Variants in GABRB1 observed in about 807,000 individuals in gnomAD.
The protein encoded by GABRB1 is gamma-aminobutyric acid receptor subunit beta-1.
A neutral mutation model predicts 51.6 loss-of-function variants in GABRB1; 17 were observed. The ratio of observed to expected loss-of-function variants is 0.33; its 90% CI spans 0.23 to 0.49. The LOEUF (loss-of-function observed/expected upper bound fraction) is 0.49, where lower values mean the gene tolerates loss of function less well. GABRB1 is among the 20% of genes least tolerant of loss of function. The probability of loss-of-function intolerance (pLI) is 0.99; values close to 1 mark genes in which losing one functional copy is unlikely to be tolerated. For missense variants in GABRB1, 410 were observed against 600.6 expected, an observed-to-expected ratio of 0.68 and a Z score of 3.32; for synonymous variants, 247 against 218.9, an observed-to-expected ratio of 1.13 and a Z score of -1.14.
chr4:47,019,912 GTA>G (rs1724878102), intron 1 of GABRB1, among the ~76,000 whole-genome samples: 1 of 148,162 alleles, frequency 6.7e-6, no homozygotes, highest in Non-Finnish European at 1.5e-5. Context: ...ATATGTATAT[GTA>G]TATGTATACG....
rs377150439 is a variant in GABRB1 at position 47,173,011 on chromosome 4, G to T, written c.461+11542G>T. 6.3e-4 allele frequency among the ~76,000 whole-genome samples: 96 copies of T among 152,276 alleles called. 1 individual carries two copies. The highest frequency in any genetic ancestry group is 2.3e-3 in the African/African-American group (95 of 41,574). On this transcript the variant is annotated intron_variant, in intron 4 of 8. Transcript: ENST00000295454. ...AACAAAACCACAAAGAACTGGAGCT[G>T]AGAGAGCTGCCTGGTCCATTTTCTT...
intron 5 of GABRB1, among the ~76,000 whole-genome samples, chr4:47,355,011 A>C: frequency 8.9e-5 from 4 of 45,182 alleles, no homozygotes; most frequent in African/African-American, 9.1e-5. Flanking sequence ...TTTTTGACAG[A>C]ATCTCTCTCT....
chr4:47,385,887 A>G (rs1416946657), intron 5 of GABRB1, among the ~76,000 whole-genome samples: 1 of 152,086 alleles, frequency 6.6e-6, no homozygotes, highest in African/African-American at 2.4e-5. Context: ...ACTTACTACT[A>G]CTGGTTTATA....
intron 4 of GABRB1, among the ~76,000 whole-genome samples, chr4:47,249,290 A>T (rs1320846244): frequency 6.6e-6 from 1 of 152,088 alleles, no homozygotes; most frequent in East Asian, 1.9e-4. Context: ...GAAGCAGGTT[A>T]TTTAATTTCC....
At chr4:47,273,996 T>C (rs1021714235) in intron 4 of GABRB1, among the ~76,000 whole-genome samples, 3 of 152,124 alleles carry the variant, frequency 2.0e-5, no homozygotes, top group Non-Finnish European at 4.4e-5. Context: ...TGTATACATT[T>C]ACACTCATGC....
In GABRB1 at chr4:47,073,836, A is replaced by G. The variant is rs1727441257; in HGVS notation, c.240+41352A>G. On this transcript the variant is annotated intron_variant, in intron 3 of 8. Coordinates refer to ENST00000295454, the MANE Select transcript of GABRB1 (RefSeq NM_000812.4). ...ACCTCTTTTCATTACTTGAAAAGACATGACATAAGCAGGCTATTTATCTGA... is the reference window on the plus strand; with the variant it reads ...ACCTCTTTTCATTACTTGAAAAGACGTGACATAAGCAGGCTATTTATCTGA... 2.0e-5 allele frequency among the ~76,000 whole-genome samples: 3 copies of G among 152,292 alleles called. No homozygotes were observed. The South Asian group carries it at 6.2e-4, about 32-fold the overall frequency.
At chr4:47,293,297 A>ATTT (rs1370634157) in intron 4 of GABRB1, among the ~76,000 whole-genome samples, 86 of 152,146 alleles carry the variant, frequency 5.7e-4, no homozygotes, top group African/African-American at 2.0e-3. Context: ...ATGTGCCATA[A>ATTT]TGCTTGGCTA....
chr4:47,076,318 T>A lies in GABRB1; in HGVS notation c.240+43834T>A, dbSNP rs557221256. Among the ~76,000 whole-genome samples, 68 of 152,338 alleles carry A rather than the reference T, an allele frequency of 4.5e-4. No homozygotes were observed. The South Asian group carries it at 0.014, about 31-fold the overall frequency. On this transcript the variant is annotated intron_variant, in intron 3 of 8. Coordinates refer to ENST00000295454, the MANE Select transcript of GABRB1 (RefSeq NM_000812.4). ...GACTTGCATGGGGGTTCCCACTGCT[T>A]TGTCTCATAACTAGACCAGCCAGAT...
chr4:47,199,499 T>C (rs1255310773), intron 4 of GABRB1, among the ~76,000 whole-genome samples: 1 of 152,106 alleles, frequency 6.6e-6, no homozygotes, highest in African/African-American at 2.4e-5. Flanking sequence ...TCACAAAATA[T>C]GCAAGAGACC....
chr4:47,223,531 A>G (rs1452161538), intron 4 of GABRB1, among the ~76,000 whole-genome samples: 2 of 152,110 alleles, frequency 1.3e-5, no homozygotes. Flanking sequence ...TAAGCCTGAC[A>G]ATTATAAATC....
Position 47,263,196 on chromosome 4 carries a change from T to TAATAAATAAATAAATA in GABRB1, c.462-56917_462-56902dup, listed in dbSNP as rs60437394. On this transcript the variant is annotated intron_variant, in intron 4 of 8. Transcript: ENST00000295454. ...TACCCTAAAACTTAAAGTATAATAA[T>TAATAAATAAATAAATA]AATAAATAAATAAATAAATAAATAA... Among the ~76,000 whole-genome samples the TAATAAATAAATAAATA allele has an allele frequency of 1.4e-3, 209 of 149,442 alleles. 2 individuals are homozygous for TAATAAATAAATAAATA. Among genetic ancestry groups the TAATAAATAAATAAATA allele is most frequent in the African/African-American group, 4.9e-3 (199 of 40,572 alleles).
intron 3 of GABRB1, among the ~76,000 whole-genome samples, chr4:47,137,219 C>G (rs1398811809): frequency 6.6e-6 from 1 of 151,946 alleles, no homozygotes; most frequent in Non-Finnish European, 1.5e-5. Flanking sequence ...TGTGGGCTAA[C>G]CAAGGATCAG....
At chr4:47,390,260 A>T (rs1478110279) in intron 5 of GABRB1, among the ~76,000 whole-genome samples, 1 of 152,186 alleles carries the variant, frequency 6.6e-6, no homozygotes, top group Non-Finnish European at 1.5e-5. Context: ...GCCTAAGCCA[A>T]TCAAGATCCA....
intron 4 of GABRB1, among the ~76,000 whole-genome samples, chr4:47,316,700 G>A (rs1442073878): frequency 6.6e-6 from 1 of 151,898 alleles, no homozygotes; most frequent in African/African-American, 2.4e-5. Flanking sequence ...TAAACCATTT[G>A]CAGTGGTATC....
intron 4 of GABRB1, among the ~76,000 whole-genome samples, chr4:47,184,586 A>G (rs893495938): frequency 3.3e-5 from 5 of 151,894 alleles, no homozygotes; most frequent in African/African-American, 1.2e-4. Flanking sequence ...TTTGCAAGTT[A>G]ATTGATTTCC....
At chr4:47,023,328 A>G (rs1724980951) in intron 1 of GABRB1, among the ~76,000 whole-genome samples, 1 of 152,040 alleles carries the variant, frequency 6.6e-6, no homozygotes, top group African/African-American at 2.4e-5. Flanking sequence ...AAAGAGTGTT[A>G]TTGGGCTGTT....
rs370540928 is a variant in GABRB1 at position 47,231,684 on chromosome 4, C to A, written c.461+70215C>A. ...TTTCATATTGACCAAAAAATCATTG[C>A]AAGCTCTTTGAGTACATGAACTGTG... On this transcript the variant is annotated intron_variant, in intron 4 of 8. Transcript: ENST00000295454. Among the ~76,000 whole-genome samples the A allele has an allele frequency of 9.6e-4, 146 of 152,272 alleles. 3 individuals carry two copies. In the South Asian group the frequency reaches 0.028, roughly 30 times the overall value.
intron 4 of GABRB1, among the ~76,000 whole-genome samples, chr4:47,226,890 G>C (rs1366220660): frequency 6.6e-6 from 1 of 152,150 alleles, no homozygotes; most frequent in Non-Finnish European, 1.5e-5. Flanking sequence ...ATGTAACTAG[G>C]AGGGAAAGGA....
intron 3 of GABRB1, among the ~76,000 whole-genome samples, chr4:47,034,243 A>G (rs1445983592): frequency 2.0e-5 from 3 of 152,170 alleles, no homozygotes; most frequent in African/African-American, 7.2e-5. Context: ...TCTGTTGGCT[A>G]TATTGACATA....
Sources: allele counts gnomAD v4.1 joint callset (sites outside exome capture counted in the v4.1 genomes callset), GRCh38; gene constraint gnomAD v4.1.1; transcripts MANE v1.5; gene names NCBI Gene and HGNC (gene_info 2026-07-23, HGNC 2026-07-21).